The following CBFB variants were observed in gnomAD, a reference collection of about 807,000 sequenced individuals.
CBFB encodes the protein CBF-beta.
CBFB carries 9 observed loss-of-function variants against 30.4 expected under a neutral mutation model. The ratio of observed to expected loss-of-function variants is 0.30; its 90% CI spans 0.18 to 0.52. The LOEUF (loss-of-function observed/expected upper bound fraction) is 0.52, where lower values mean the gene tolerates loss of function less well. CBFB is among the 20% of genes least tolerant of loss of function. The pLI, the probability that CBFB is intolerant of heterozygous loss-of-function variation, is 0.97. For missense variants in CBFB, 170 were observed against 244.0 expected (o/e 0.70, Z 2.02); for synonymous variants, 94 against 84.0 (o/e 1.12, Z -0.65).
intron 5 of CBFB, among the ~76,000 whole-genome samples, chr16:67,088,852 G>A (rs1961801575): frequency 1.3e-5 from 2 of 152,170 alleles, no homozygotes; most frequent in South Asian, 4.1e-4. Flanking sequence ...AGTGGTGCTC[G>A]TGAGTATTTA....
Position 67,098,891 on chromosome 16 carries a change from A to G in CBFB, c.*113A>G, listed in dbSNP as rs781213722. 8 of 721,510 alleles carry G rather than the reference A, an allele frequency of 1.1e-5. No homozygotes were observed. The highest frequency in any genetic ancestry group is 2.6e-5 in the East Asian group (1 of 39,064). The allele number at this position is 721,510 out of a possible 1,614,324, so 44.7% of individuals were successfully genotyped here. ...GTGATAACTGGAGGTACTACGGTCT[A>G]TTTCTCAACCTTAGGCAGTAATAGA... On this transcript the variant is annotated 3_prime_UTR_variant, in exon 6 of 6. Transcript: ENST00000412916.
chr16:67,039,292 A>G (rs903846237), intron 3 of CBFB, among the ~76,000 whole-genome samples: 4 of 152,192 alleles, frequency 2.6e-5, no homozygotes, highest in Non-Finnish European at 5.9e-5. Context: ...GATGTATCTA[A>G]ACATAGAAAA....
At chr16:67,090,933 A>G (rs971731098) in intron 5 of CBFB, among the ~76,000 whole-genome samples, 2 of 152,188 alleles carry the variant, frequency 1.3e-5, no homozygotes, top group African/African-American at 4.8e-5. Flanking sequence ...TCCAAGAAAA[A>G]AATCTCAGCC....
rs567971312 is a variant in CBFB, at chr16:67,034,956, G to A, written c.166-1683G>A. On this transcript the variant is annotated intron_variant, in intron 2 of 5. Coordinates refer to ENST00000412916, the MANE Select transcript of CBFB (RefSeq NM_022845.3). ...CACTTTACAAATAATTGATTTGTGA[G>A]AAAACTGAATTATGCTTCAGGTCGT... 3.0e-4 allele frequency among the ~76,000 whole-genome samples: 46 copies of A among 151,896 alleles called. No individual in the cohort carries two copies. In the South Asian group the frequency reaches 9.4e-3, roughly 31 times the overall value.
At chr16:67,094,198 G>T (rs1352800944) in intron 5 of CBFB, among the ~76,000 whole-genome samples, 1 of 147,034 alleles carries the variant, frequency 6.8e-6, no homozygotes, top group Non-Finnish European at 1.5e-5. Context: ...GGCTCAATCA[G>T]TCCTTCCACC....
chr16:67,069,224 G>T (rs972264105), intron 4 of CBFB, among the ~76,000 whole-genome samples: 1 of 151,572 alleles, frequency 6.6e-6, no homozygotes, highest in Non-Finnish European at 1.5e-5. Flanking sequence ...CAAAAAAAAC[G>T]CCGAGTGTTG....
At chr16:67,037,328 G>C (rs907672683) in intron 3 of CBFB, among the ~76,000 whole-genome samples, 19 of 152,078 alleles carry the variant, frequency 1.2e-4, no homozygotes, top group Admixed American at 5.9e-4. Context: ...AGTTTGAGGA[G>C]ATATATTTTG....
intron 4 of CBFB, among the ~76,000 whole-genome samples, chr16:67,076,998 A>AT (rs1961418971): frequency 6.6e-6 from 1 of 152,172 alleles, no homozygotes; most frequent in Non-Finnish European, 1.5e-5. Flanking sequence ...TATATAAACT[A>AT]TAACTTCTAA....
chr16:67,089,938 A>G (rs35190484), intron 5 of CBFB, among the ~76,000 whole-genome samples: 4,415 of 152,336 alleles, frequency 0.029, 100 homozygotes, highest in Non-Finnish European at 0.044. Context: ...TTGGCTCACA[A>G]TATATCTGGA....
rs778326184 is a variant in CBFB, at chr16:67,062,282, C to T, written c.283-4400C>T. On this transcript the variant is annotated intron_variant, in intron 3 of 5. Coordinates refer to ENST00000412916, the MANE Select transcript of CBFB (RefSeq NM_022845.3). ...CTCCCGGGTTCAAATGATTCTCCTG[C>T]CTCAGCCTCCCGAGTAGCTGGGATT... Among the ~76,000 whole-genome samples, 165 of 150,226 alleles carry T rather than the reference C, an allele frequency of 1.1e-3. 3 individuals carry two copies. Among genetic ancestry groups the T allele is most frequent in the Non-Finnish European group, 9.8e-4 (66 of 67,570 alleles).
chr16:67,090,952 TTTTAA>T, intron 5 of CBFB, among the ~76,000 whole-genome samples: 1 of 152,346 alleles, frequency 6.6e-6, no homozygotes, highest in Non-Finnish European at 1.5e-5. Flanking sequence ...CCTCTATTTA[TTTTAA>T]ATTTCCGAAG....
At chr16:67,070,509 A>T (rs1665292052) in intron 4 of CBFB, among the ~76,000 whole-genome samples, 1 of 152,238 alleles carries the variant, frequency 6.6e-6, no homozygotes, top group South Asian at 2.1e-4. Flanking sequence ...GATAAAGCAG[A>T]CTTTATTTAT....
chr16:67,062,067 AT>A (rs1960926699), intron 3 of CBFB, among the ~76,000 whole-genome samples: 1 of 152,128 alleles, frequency 6.6e-6, no homozygotes, highest in African/African-American at 2.4e-5. Context: ...TTCTGAAACC[AT>A]TTAGAAATTT....
intron 5 of CBFB, among the ~76,000 whole-genome samples, chr16:67,084,558 A>G (rs1328826107): frequency 6.6e-6 from 1 of 152,224 alleles, no homozygotes; most frequent in Non-Finnish European, 1.5e-5. Flanking sequence ...AGAGAGTTCT[A>G]GTTGGTTGCA....
At chr16:67,033,155 G>A (rs912682077) in intron 2 of CBFB, among the ~76,000 whole-genome samples, 4 of 152,026 alleles carry the variant, frequency 2.6e-5, no homozygotes, top group Non-Finnish European at 5.9e-5. Flanking sequence ...GATTACAGGC[G>A]TGAGCCACCA....
At chr16:67,059,412 C>G (rs1030721290) in intron 3 of CBFB, among the ~76,000 whole-genome samples, 3 of 152,194 alleles carry the variant, frequency 2.0e-5, no homozygotes, top group Admixed American at 2.0e-4. Flanking sequence ...GTTTTTCTAT[C>G]ATAATTGAAT....
intron 4 of CBFB, among the ~76,000 whole-genome samples, chr16:67,069,731 T>A (rs894404797): frequency 2.6e-5 from 4 of 152,222 alleles, no homozygotes; most frequent in Non-Finnish European, 5.9e-5. Flanking sequence ...AAAGGATTCC[T>A]CACACGCGAA....
intron 3 of CBFB, among the ~76,000 whole-genome samples, chr16:67,042,299 A>G (rs553626125): frequency 5.3e-5 from 8 of 152,188 alleles, no homozygotes; most frequent in African/African-American, 1.9e-4. Flanking sequence ...AGGACGACAG[A>G]TATTTGCCAC....
intron 3 of CBFB, among the ~76,000 whole-genome samples, chr16:67,056,915 C>T (rs533547639): frequency 6.6e-6 from 1 of 151,954 alleles, no homozygotes; most frequent in East Asian, 1.9e-4. Flanking sequence ...CTCTTGACCT[C>T]GTGATCCACC....
Sources: gnomAD v4.1 joint callset for allele counts (sites outside exome capture counted in the v4.1 genomes callset) on GRCh38, gnomAD v4.1.1 for gene constraint, MANE v1.5 for transcripts, NCBI Gene and HGNC (gene_info 2026-07-23, HGNC 2026-07-21) for gene names.